Variants in DOCK1 observed in about 807,000 individuals in gnomAD.
DOCK1 encodes dedicator of cytokinesis 1.
Under a neutral mutation model 262.7 loss-of-function variants are expected in DOCK1, and 138 were observed. The observed-to-expected ratio is 0.53, with a 90% CI of 0.46 to 0.61. DOCK1 has a LOEUF of 0.61. Among genes scored for constraint, DOCK1 ranks in the 20% least tolerant of loss-of-function variants. DOCK1 has a pLI of 0.00. For synonymous variants in DOCK1, 866 were observed against 867.4 expected (o/e 1.00, Z 0.03); for missense variants, 1,908 against 2,370.7 (o/e 0.80, Z 4.05).
At chr10:127,435,722 A>G (rs556343645) in intron 48 of DOCK1, among the ~76,000 whole-genome samples, 1 of 152,318 alleles carries the variant, frequency 6.6e-6, no homozygotes, top group African/African-American at 2.4e-5. Context: ...CTTCCCCAGA[A>G]GGCATTTGTT....
chr10:126,973,769 C>A (rs915853136), intron 2 of DOCK1, among the ~76,000 whole-genome samples: 9 of 152,110 alleles, frequency 5.9e-5, no homozygotes, highest in African/African-American at 1.9e-4. Flanking sequence ...CCAATATCTT[C>A]CTCTTGTTTT....
In DOCK1 at chr10:127,117,950, G is replaced by A. The variant is rs186153948; in HGVS notation, c.2624-7524G>A. Among the ~76,000 whole-genome samples the A allele has an allele frequency of 6.6e-5, 10 of 152,178 alleles. No homozygotes were observed. In the East Asian group the frequency reaches 1.9e-3, roughly 29 times the overall value. ...CTTTAGGACCTCTGTCTTTTCTTGG[G>A]CATAAACTCCTCCCTGGGTGCACAG... On this transcript the variant is annotated intron_variant, in intron 25 of 51. Transcript: ENST00000623213.
chr10:127,238,285 A>G (rs186556682), intron 27 of DOCK1, among the ~76,000 whole-genome samples: 58 of 152,308 alleles, frequency 3.8e-4, no homozygotes, highest in Non-Finnish European at 7.9e-4. Flanking sequence ...AAAAGTAACT[A>G]CTTAAGTGAT....
chr10:127,385,111 A>G (rs1233177731), intron 38 of DOCK1, among the ~76,000 whole-genome samples: 2 of 152,186 alleles, frequency 1.3e-5, no homozygotes, highest in African/African-American at 4.8e-5. Flanking sequence ...GCCCTTTTAT[A>G]GATGCTCTAA....
At chr10:127,326,061 A>G (rs1476770499) in intron 29 of DOCK1, among the ~76,000 whole-genome samples, 1 of 152,242 alleles carries the variant, frequency 6.6e-6, no homozygotes, top group Non-Finnish European at 1.5e-5. Context: ...AACAATGCTA[A>G]CAATTATCTG....
intron 2 of DOCK1, among the ~76,000 whole-genome samples, chr10:126,976,201 G>A (rs918810546): frequency 2.0e-5 from 3 of 152,144 alleles, no homozygotes; most frequent in Admixed American, 2.0e-4. Flanking sequence ...GCTGATACTG[G>A]GCCAGCTTAT....
intron 1 of DOCK1, among the ~76,000 whole-genome samples, chr10:126,969,748 A>G (rs1591484216): frequency 6.6e-6 from 1 of 152,166 alleles, no homozygotes; most frequent in East Asian, 1.9e-4. Flanking sequence ...GGCCCAGGGA[A>G]GGGAGTGTGT....
chr10:127,013,200 TG>T (rs1364661808), intron 12 of DOCK1, among the ~76,000 whole-genome samples: 35 of 152,200 alleles, frequency 2.3e-4, no homozygotes, highest in Non-Finnish European at 8.8e-5. Flanking sequence ...AGCTTTCTTC[TG>T]GTGTGAACTA....
chr10:127,304,509 A>G (rs1213678201), intron 29 of DOCK1, among the ~76,000 whole-genome samples: 1 of 152,188 alleles, frequency 6.6e-6, no homozygotes, highest in Non-Finnish European at 1.5e-5. Context: ...TCCCCCACAG[A>G]GACAATAAGT....
At chr10:126,963,734 T>G (rs2037461215) in intron 1 of DOCK1, among the ~76,000 whole-genome samples, 2 of 150,948 alleles carry the variant, frequency 1.3e-5, no homozygotes. Flanking sequence ...TTTAGATGAT[T>G]GCGAAAAATA....
At chr10:127,088,742 A>AATT (rs147861347) in intron 23 of DOCK1, among the ~76,000 whole-genome samples, 9,393 of 152,104 alleles carry the variant, frequency 0.062, 752 homozygotes, top group African/African-American at 0.19. Flanking sequence ...CTTCAGAGTC[A>AATT]CCCAGCCTGA....
intron 51 of DOCK1, among the ~76,000 whole-genome samples, chr10:127,450,506 A>G (rs1480383238): frequency 6.6e-6 from 1 of 151,876 alleles, no homozygotes; most frequent in African/African-American, 2.4e-5. Flanking sequence ...TGACTCGTTT[A>G]TTCACTCATT....
rs79463082 is a variant in DOCK1 at position 127,175,701 on chromosome 10, C to T, written c.2847+47937C>T. The T allele has an allele frequency of 2.9e-5, 46 of 1,613,886 alleles. No homozygotes were observed. Among genetic ancestry groups the T allele is most frequent in the East Asian group, 6.7e-5 (3 of 44,858 alleles). On this transcript the variant is annotated intron_variant, in intron 27 of 51. Coordinates refer to ENST00000623213, the MANE Select transcript of DOCK1 (RefSeq NM_001290223.2). This position sits in a 1 kb window ranked among gnomAD's most constrained non-coding sequence, Gnocchi z 6.3. ...GGGCTCCTCGGAGTTTGGCCTCCCC[C>T]GGTCCTGCTTGGCCCTCCCGAGCAG...
intron 46 of DOCK1, 37 bp downstream of exon 46, chr10:127,419,786 G>A: frequency 6.4e-7 from 1 of 1,556,130 alleles, no homozygotes; most frequent in Non-Finnish European, 8.7e-7. Context: ...TGGCTGGAGG[G>A]AAGGAAAGCT....
At chr10:127,381,006 A>G (rs2065795173) in intron 36 of DOCK1, among the ~76,000 whole-genome samples, 1 of 152,202 alleles carries the variant, frequency 6.6e-6, no homozygotes, top group African/African-American at 2.4e-5. Flanking sequence ...ACAATCAAGT[A>G]TTGTGTGTCT....
chr10:127,188,433 G>A (rs998436212), intron 27 of DOCK1, among the ~76,000 whole-genome samples: 4 of 152,118 alleles, frequency 2.6e-5, no homozygotes, highest in African/African-American at 9.7e-5. Context: ...TTAGAATTCT[G>A]TTCCCTTCTA....
chr10:127,444,703 T>C (rs956170652), intron 50 of DOCK1, among the ~76,000 whole-genome samples: 1 of 152,172 alleles, frequency 6.6e-6, no homozygotes, highest in Non-Finnish European at 1.5e-5. Context: ...TTGACCAATG[T>C]TTAAATTACC....
chr10:127,410,771 C>A, intron 42 of DOCK1, 69 bp from the exon 43 acceptor site: 1 of 1,442,304 alleles, frequency 6.9e-7, no homozygotes, highest in Non-Finnish European at 9.6e-7. Context: ...TAAGGCCAGA[C>A]CCCGTGTCCA....
chr10:127,428,872 G>T (rs1378278196), intron 47 of DOCK1, among the ~76,000 whole-genome samples: 12 of 144,614 alleles, frequency 8.3e-5, no homozygotes, highest in African/African-American at 3.1e-4. Context: ...TGTGGATTGG[G>T]GTGCCATGTG....
Sources: gnomAD v4.1 joint callset for allele counts (sites outside exome capture counted in the v4.1 genomes callset) on GRCh38, gnomAD v4.1.1 for gene constraint, Gnocchi (gnomAD v3.1) non-coding constraint, MANE v1.5 for transcripts, NCBI Gene and HGNC (gene_info 2026-07-23, HGNC 2026-07-21) for gene names.